Variants in SOX6 observed in about 807,000 individuals in gnomAD.
SOX6 encodes the protein transcription factor SOX-6.
In SOX6, 11 loss-of-function variants were observed where a neutral mutation model predicts 97.8. The ratio of observed to expected loss-of-function variants is 0.11; its 90% confidence interval spans 0.07 to 0.19. The LOEUF is 0.19. SOX6 is among the 10% of genes least tolerant of loss of function. SOX6 has a pLI of 1.00. For missense variants in SOX6, 810 were observed against 1,039.5 expected, an observed-to-expected ratio of 0.78 and a Z score of 3.04; for synonymous variants, 360 against 371.4, an observed-to-expected ratio of 0.97 and a Z score of 0.35.
intron 3 of SOX6, among the ~76,000 whole-genome samples, chr11:16,305,518 A>G (rs929097178): frequency 2.6e-5 from 4 of 152,162 alleles, no homozygotes; most frequent in Non-Finnish European, 5.9e-5. Context: ...ATAAAATCCA[A>G]CGTACAATAT....
intron 1 of SOX6, among the ~76,000 whole-genome samples, chr11:16,443,343 A>G (rs1047586711): frequency 6.6e-6 from 1 of 152,138 alleles, no homozygotes; most frequent in Non-Finnish European, 1.5e-5. Context: ...CATCTCAAAC[A>G]TGTCTATATG....
intron 13 of SOX6, among the ~76,000 whole-genome samples, chr11:15,992,704 A>T (rs1854092457): frequency 6.6e-6 from 1 of 152,188 alleles, no homozygotes; most frequent in South Asian, 2.1e-4. Flanking sequence ...AAAATACAGT[A>T]ATATAAACCA....
chr11:16,427,094 C>T (rs965014119), intron 1 of SOX6, among the ~76,000 whole-genome samples: 1 of 151,938 alleles, frequency 6.6e-6, no homozygotes, highest in African/African-American at 2.4e-5. Flanking sequence ...ACACCAGAAG[C>T]AATTGCAACA....
intron 4 of SOX6, among the ~76,000 whole-genome samples, chr11:16,597,983 A>G (rs552794080): frequency 6.6e-6 from 1 of 152,216 alleles, no homozygotes; most frequent in South Asian, 2.1e-4. Context: ...TAAGAGGGAA[A>G]GAAGCAAGTT....
intron 4 of SOX6, among the ~76,000 whole-genome samples, chr11:16,556,142 G>A (rs1847745872): frequency 6.6e-6 from 1 of 151,622 alleles, no homozygotes; most frequent in Non-Finnish European, 1.5e-5. Context: ...AGACTATCCA[G>A]TAACACATTC....
At chr11:16,099,865 T>C (rs1472292585) in intron 7 of SOX6, among the ~76,000 whole-genome samples, 1 of 151,836 alleles carries the variant, frequency 6.6e-6, no homozygotes, top group Admixed American at 6.6e-5. Context: ...TTATCCTTCT[T>C]TGAATCTGTA....
intron 4 of SOX6, among the ~76,000 whole-genome samples, chr11:16,507,460 C>T (rs1340656314): frequency 6.6e-6 from 1 of 152,012 alleles, no homozygotes; most frequent in Non-Finnish European, 1.5e-5. Flanking sequence ...AATAGCCAAA[C>T]CAATACTAAG....
chr11:16,511,781 C>A (rs1026035834), intron 4 of SOX6, among the ~76,000 whole-genome samples: 1 of 152,056 alleles, frequency 6.6e-6, no homozygotes, highest in African/African-American at 2.4e-5. Flanking sequence ...AGCCAAGTTG[C>A]AAAATAACAT....
At chr11:16,438,303 T>G (rs772877100) in intron 1 of SOX6, among the ~76,000 whole-genome samples, 1 of 152,146 alleles carries the variant, frequency 6.6e-6, no homozygotes, top group Non-Finnish European at 1.5e-5. Flanking sequence ...TAAGAGATTT[T>G]TAAAAATTAA....
At chr11:16,596,860 A>C (rs1204906638) in intron 4 of SOX6, among the ~76,000 whole-genome samples, 1 of 152,190 alleles carries the variant, frequency 6.6e-6, no homozygotes, top group Non-Finnish European at 1.5e-5. Flanking sequence ...CTGATGTTTA[A>C]TGCTTCTGAT....
chr11:16,347,820 ATATTGAT>A (rs1856810988), intron 1 of SOX6, among the ~76,000 whole-genome samples: 1 of 152,156 alleles, frequency 6.6e-6, no homozygotes, highest in Admixed American at 6.6e-5. Context: ...AGAAAAATGA[ATATTGAT>A]ACTTTAGATT....
chr11:16,049,678 A>G, intron 11 of SOX6, 77 bp downstream of exon 11: 1 of 1,532,424 alleles, frequency 6.5e-7, no homozygotes, highest in Non-Finnish European at 8.9e-7. Context: ...GGAAACAAGT[A>G]TCAGTCGTAA....
At chr11:16,041,251 C>G (rs549149711) in intron 12 of SOX6, among the ~76,000 whole-genome samples, 2 of 152,244 alleles carry the variant, frequency 1.3e-5, no homozygotes, top group South Asian at 4.1e-4. Flanking sequence ...CTTTCACTTA[C>G]TGCTGTACAG....
At chr11:16,087,869 C>A (rs1848610288) in intron 9 of SOX6, among the ~76,000 whole-genome samples, 1 of 152,064 alleles carries the variant, frequency 6.6e-6, no homozygotes, top group Non-Finnish European at 1.5e-5. Flanking sequence ...TGTTCTCAAT[C>A]TTCGCACTAT....
chr11:16,606,473 T>C (rs191066748), intron 4 of SOX6, among the ~76,000 whole-genome samples: 30 of 152,318 alleles, frequency 2.0e-4, no homozygotes, highest in African/African-American at 7.0e-4. Context: ...CGAGGAGGGA[T>C]GACTACACAC....
chr11:16,610,995 G>T lies in SOX6; in HGVS notation n.609+1086C>A, dbSNP rs946091215. Among the ~76,000 whole-genome samples the T allele has an allele frequency of 6.6e-6, 1 of 152,218 alleles. No homozygotes were observed. Among genetic ancestry groups the T allele is most frequent in the Non-Finnish European group, 1.5e-5 (1 of 68,044 alleles). ...AAGAACCCCGGGCGCTGAGCTCCGG[G>T]GAACCTGGGAGGGAAGGAGGGGCGA... On this transcript the variant is annotated intron_variant and non_coding_transcript_variant, in intron 4 of 5. Transcript: ENST00000524520. This position sits in a 1 kb window ranked among gnomAD's most constrained non-coding sequence, Gnocchi z 4.4.
At chr11:16,359,757 T>C (rs554184124), upstream of SOX6, among the ~76,000 whole-genome samples, 2 of 152,238 alleles carry the variant, frequency 1.3e-5, no homozygotes, top group African/African-American at 4.8e-5. Flanking sequence ...AAAGGAAATA[T>C]CAAAGAAGAA....
chr11:16,233,798 A>C (rs771612339), intron 4 of SOX6, among the ~76,000 whole-genome samples: 7 of 152,036 alleles, frequency 4.6e-5, no homozygotes, highest in Non-Finnish European at 7.4e-5. Context: ...TCACGAGGTC[A>C]AGAGATCAAG....
intron 1 of SOX6, among the ~76,000 whole-genome samples, chr11:16,373,859 GGAAGGAAGGAAGGAAGGAAGGAAGGA>G (rs1224252394): frequency 3.6e-4 from 27 of 75,112 alleles, no homozygotes; most frequent in East Asian, 2.1e-3. Flanking sequence ...AAGGAAGGAA[GGAAGGAAGGAAGGAAGGAAGGAAGGA>G]AGGGAGGGAG....
Sources: gnomAD v4.1 joint callset for allele counts (sites outside exome capture counted in the v4.1 genomes callset) on GRCh38, gnomAD v4.1.1 for gene constraint, Gnocchi (gnomAD v3.1) non-coding constraint, MANE v1.5 for transcripts, NCBI Gene and HGNC (gene_info 2026-07-23, HGNC 2026-07-21) for gene names.